The following IP6K3 variants were observed in gnomAD, a reference collection of about 807,000 sequenced individuals.
The protein encoded by IP6K3 is inositol hexakisphosphate kinase 3, also known as ATP:1D-myo-inositol-hexakisphosphate phosphotransferase.
IP6K3 carries 20 observed loss-of-function variants against 28.8 expected under a neutral mutation model. The ratio of observed to expected loss-of-function variants is 0.70; its 90% confidence interval spans 0.49 to 1.01. IP6K3 has a LOEUF of 1.01. Ranked by LOEUF, IP6K3 falls within the 50% of genes least tolerant of loss-of-function variation. IP6K3 has a pLI of 0.00. For missense variants in IP6K3, 480 were observed against 537.1 expected (o/e 0.89, Z 1.05); for synonymous variants, 213 against 221.3 (o/e 0.96, Z 0.33).
chr6:33,727,267 G>A (rs1272569486), intron 3 of IP6K3, among the ~76,000 whole-genome samples: 2 of 152,204 alleles, frequency 1.3e-5, no homozygotes, highest in Non-Finnish European at 2.9e-5. Flanking sequence ...CAAGCCTGGG[G>A]TTGGACTCTG....
Position 33,721,720 on chromosome 6 carries a change from C to G in IP6K3, c.*1000G>C, listed in dbSNP as rs886583663. On this transcript the variant is annotated 3_prime_UTR_variant, in exon 6 of 6. Transcript: ENST00000293756. ...TTATTTCCCTAATTGGGTAACGTAT[C>G]TCAGTGCTTGACTCAAGGGCATCGT... 2 of 152,624 alleles carry G rather than the reference C, an allele frequency of 1.3e-5. No individual in the cohort carries two copies. The highest frequency in any genetic ancestry group is 4.8e-5 in the African/African-American group (2 of 41,442). The allele number at this position is 152,624 out of a possible 1,614,324, so 9.5% of individuals were successfully genotyped here.
At chr6:33,731,600 T>C (rs1488052033) in intron 2 of IP6K3, among the ~76,000 whole-genome samples, 3 of 151,842 alleles carry the variant, frequency 2.0e-5, no homozygotes, top group Non-Finnish European at 2.9e-5. Flanking sequence ...TCTCCAGCTC[T>C]TGTCTGTCTT....
the IP6K3 span, among the ~76,000 whole-genome samples, chr6:33,753,317 C>T: frequency 6.6e-6 from 1 of 152,168 alleles, no homozygotes; most frequent in Non-Finnish European, 1.5e-5. Context: ...ATGGTTATGT[C>T]GTGGCTCAGA....
chr6:33,732,159 G>C (rs1476215992), intron 2 of IP6K3, among the ~76,000 whole-genome samples: 4 of 152,246 alleles, frequency 2.6e-5, no homozygotes, highest in Non-Finnish European at 5.9e-5. Flanking sequence ...CTGGCCGGCA[G>C]CCTGGCAGGA....
intron 2 of IP6K3, among the ~76,000 whole-genome samples, chr6:33,732,374 G>A (rs1766352059): frequency 6.6e-6 from 1 of 152,242 alleles, no homozygotes. Context: ...CTCAGTGGGG[G>A]CTGTTCCTAT....
In IP6K3 at chr6:33,735,459, G is replaced by A. The variant is rs779672365; in HGVS notation, c.18C>T (p.Ser6=). The A allele has an allele frequency of 6.2e-6, 10 of 1,610,084 alleles. No homozygotes were observed. The East Asian group carries it at 8.9e-5, about 14-fold the overall frequency. Residue 6 remains serine, a synonymous_variant, in exon 2 of 6, where the codon AGC becomes AGT. Transcript: ENST00000293756. The part of the protein sequence containing the change: MVVQN[S]ADAGDMRAGV... ...CTGCCCTCATGTCCCCGGCGTCTGCGCTGTTTTGCACAACCATGGCGGCAG... is the reference window on the plus strand; with the variant it reads ...CTGCCCTCATGTCCCCGGCGTCTGCACTGTTTTGCACAACCATGGCGGCAG...
chr6:33,742,642 A>G lies in IP6K3; in HGVS notation c.-180+4116T>C, dbSNP rs1010399179. On this transcript the variant is annotated intron_variant, in intron 1 of 5. Coordinates refer to ENST00000293756, the MANE Select transcript of IP6K3 (RefSeq NM_054111.5). The surrounding 1 kb of genome is among the most constrained non-coding windows in gnomAD (Gnocchi z 4.5). Reference sequence around the variant, plus strand: ...CACGATAATTCTCAAATGTATGTAAATATGTTGGTAATTAACAAAATACAA... The same window carrying G: ...CACGATAATTCTCAAATGTATGTAAGTATGTTGGTAATTAACAAAATACAA... 6.6e-6 allele frequency among the ~76,000 whole-genome samples: 1 copy of G among 152,214 alleles called. No individual in the cohort carries two copies. The highest frequency in any genetic ancestry group is 1.5e-5 in the Non-Finnish European group (1 of 68,044).
upstream of IP6K3, among the ~76,000 whole-genome samples, chr6:33,749,226 T>C (rs1483711184): frequency 1.3e-5 from 2 of 152,154 alleles, no homozygotes; most frequent in Non-Finnish European, 2.9e-5. Flanking sequence ...TTCCACCACC[T>C]GCTTTCTGCG....
At chr6:33,740,333 G>T (rs575813516) in intron 1 of IP6K3, among the ~76,000 whole-genome samples, 1 of 152,342 alleles carries the variant, frequency 6.6e-6, no homozygotes, top group African/African-American at 2.4e-5. Flanking sequence ...CTGCCCTGTC[G>T]TTGCATCATG....
chr6:33,760,347 G>A, the IP6K3 span, among the ~76,000 whole-genome samples: 1 of 152,222 alleles, frequency 6.6e-6, no homozygotes, highest in Non-Finnish European at 1.5e-5. Flanking sequence ...ATGACCTGAA[G>A]GGTGAGGGTG....
intron 1 of IP6K3, among the ~76,000 whole-genome samples, chr6:33,745,385 GA>G (rs1766869849): frequency 6.6e-6 from 1 of 152,200 alleles, no homozygotes; most frequent in Non-Finnish European, 1.5e-5. Flanking sequence ...GGGATGCAGG[GA>G]AGTGGCCCAG....
chr6:33,761,359 G>A, the IP6K3 span, among the ~76,000 whole-genome samples: 2 of 152,088 alleles, frequency 1.3e-5, no homozygotes, highest in Admixed American at 6.5e-5. Flanking sequence ...CTCCCCCAGG[G>A]GAGGCCAGGA....
At chr6:33,735,863 G>A (rs1470111219) in intron 1 of IP6K3, among the ~76,000 whole-genome samples, 1 of 152,162 alleles carries the variant, frequency 6.6e-6, no homozygotes, top group Non-Finnish European at 1.5e-5. Context: ...GCAGGGATGA[G>A]AAGGAGACTT....
At position 33,742,918 on chromosome 6, in the gene IP6K3, G is replaced by T. The variant is rs1270890104; in HGVS notation, c.-180+3840C>A. On this transcript the variant is annotated intron_variant, in intron 1 of 5. Coordinates refer to ENST00000293756, the MANE Select transcript of IP6K3 (RefSeq NM_054111.5). This position sits in a 1 kb window ranked among gnomAD's most constrained non-coding sequence, Gnocchi z 4.5. ...CTCAGCCTTGGGGAGCTTGGGGAGG[G>T]CCTGCTTTGGGGAGTGTGTGTACAG... Among the ~76,000 whole-genome samples, 3 of 152,102 alleles carry T rather than the reference G, an allele frequency of 2.0e-5. No individual in the cohort carries two copies. Among genetic ancestry groups the T allele is most frequent in the Non-Finnish European group, 4.4e-5 (3 of 68,022 alleles).
chr6:33,738,438 A>C (rs1366368502), intron 1 of IP6K3, among the ~76,000 whole-genome samples: 6 of 152,248 alleles, frequency 3.9e-5, no homozygotes, highest in Admixed American at 6.5e-5. Context: ...TCACCGCGGC[A>C]AGGTGTGGCA....
the IP6K3 span, among the ~76,000 whole-genome samples, chr6:33,760,821 T>C: frequency 6.6e-6 from 1 of 152,050 alleles, no homozygotes; most frequent in African/African-American, 2.4e-5. Flanking sequence ...CCATCGCGCC[T>C]GGGCCCCTGC....
In IP6K3 at chr6:33,742,165, C is replaced by T. The variant is rs1472063285; in HGVS notation, c.-180+4593G>A. Among the ~76,000 whole-genome samples, 1 of 152,168 alleles carries T rather than the reference C, an allele frequency of 6.6e-6. No homozygotes were observed. Among genetic ancestry groups the T allele is most frequent in the Non-Finnish European group, 1.5e-5 (1 of 68,030 alleles). On this transcript the variant is annotated intron_variant, in intron 1 of 5. Coordinates refer to ENST00000293756, the MANE Select transcript of IP6K3 (RefSeq NM_054111.5). The surrounding 1 kb of genome is among the most constrained non-coding windows in gnomAD (Gnocchi z 4.5). ...AGGGTCAGAATGGTTGCAGAGTTTT[C>T]CCGGGGTCCAGAGCTATCAGGCACC...
At chr6:33,730,094 G>C (rs181900404) in intron 2 of IP6K3, among the ~76,000 whole-genome samples, 277 of 152,218 alleles carry the variant, frequency 1.8e-3, no homozygotes, top group African/African-American at 6.5e-3. Context: ...ACCGAAAGAG[G>C]GTAGGCCGCA....
upstream of IP6K3, among the ~76,000 whole-genome samples, chr6:33,750,793 G>A (rs370635688): frequency 2.6e-5 from 4 of 152,236 alleles, no homozygotes; most frequent in Admixed American, 6.5e-5. This position sits in a 1 kb window ranked among gnomAD's most constrained non-coding sequence, Gnocchi z 4.3. Context: ...AGTTAATGGG[G>A]GCCTTTGGCT....
Sources: gnomAD v4.1 joint callset for allele counts (sites outside exome capture counted in the v4.1 genomes callset) on GRCh38, gnomAD v4.1.1 for gene constraint, Gnocchi (gnomAD v3.1) non-coding constraint, MANE v1.5 for transcripts, NCBI Gene and HGNC (gene_info 2026-07-23, HGNC 2026-07-21) for gene names.